The following TRAPPC6A variants were observed in gnomAD, a reference collection of about 807,000 sequenced individuals.
The protein encoded by TRAPPC6A is TRAPP complex subunit 6A.
Under a neutral mutation model 20.8 loss-of-function variants are expected in TRAPPC6A, and 25 were observed. That is an observed-to-expected ratio of 1.20 (90% confidence interval 0.88 to 1.68). The LOEUF is 1.68. TRAPPC6A is among the 40% of genes most tolerant of loss of function. The pLI, the probability that TRAPPC6A is intolerant of heterozygous loss-of-function variation, is 0.00. For synonymous variants in TRAPPC6A, 96 were observed against 93.3 expected (o/e 1.03, Z -0.16); for missense variants, 215 against 211.6 (o/e 1.02, Z -0.10).
Position 45,164,211 on chromosome 19 carries a change from G to A in TRAPPC6A, c.307C>T (p.Leu103Phe), listed in dbSNP as rs772711414. Residue 103 changes from leucine (L) to phenylalanine (F), a missense_variant, in exon 4 of 6, where the codon CTC becomes TTC. By Grantham distance (22) the Leu-to-Phe change is conservative (BLOSUM62 0). Coordinates refer to ENST00000585934, the MANE Select transcript of TRAPPC6A (RefSeq NM_001270891.2). ...TGCAGGCCAGAGGCCATCGGGAGGA[G>A]GAGGGGGAAGCTGTTGTCTTGCAGG... is the stretch of plus-strand genomic sequence containing the variant. ...YVLQDNSFPL[L>F]LPMASGLQYL... The A allele has an allele frequency of 1.2e-6, 2 of 1,610,254 alleles. No homozygotes were observed. The highest frequency in any genetic ancestry group is 1.7e-6 in the Non-Finnish European group (2 of 1,178,048).
rs763007514 is a variant in TRAPPC6A, at chr19:45,164,840, G to A, written c.270+13C>T. On this transcript the variant is annotated intron_variant, in intron 3 of 5. Transcript: ENST00000585934. ...CAGGAGGAAGCTGGACGGGCAGGCC[G>A]GGGTGCTCCCACCTGGTGATTGGTG... is the stretch of plus-strand genomic sequence containing the variant. 5.0e-6 allele frequency: 8 copies of A among 1,610,816 alleles called. No individual in the cohort carries two copies. The highest frequency in any genetic ancestry group is 2.2e-5 in the East Asian group (1 of 44,836).
Position 45,168,238 on chromosome 19 carries a change from C to T in TRAPPC6A, c.85-3044G>A, listed in dbSNP as rs184758241. Among the ~76,000 whole-genome samples, 90 of 150,982 alleles carry T rather than the reference C, an allele frequency of 6.0e-4. 1 individual carries two copies. Among genetic ancestry groups the T allele is most frequent in the Non-Finnish European group, 1.1e-3 (74 of 67,590 alleles). ...CAGGATGGTCTTGATCTCCTGACCTCGTGATTCACCCACCTCGGCCTCCCA... is the reference window on the plus strand; with the variant it reads ...CAGGATGGTCTTGATCTCCTGACCTTGTGATTCACCCACCTCGGCCTCCCA... On this transcript the variant is annotated intron_variant, in intron 1 of 5. Coordinates refer to ENST00000585934, the MANE Select transcript of TRAPPC6A (RefSeq NM_001270891.2).
intron 1 of TRAPPC6A, among the ~76,000 whole-genome samples, chr19:45,176,921 C>T (rs1224669705): frequency 6.6e-6 from 1 of 151,824 alleles, no homozygotes; most frequent in Non-Finnish European, 1.5e-5. Context: ...GTAATCCTAG[C>T]ACTTTGGGAG....
At position 45,162,992 on chromosome 19, in the gene TRAPPC6A, TCCCACC is replaced by T; in HGVS notation, c.*194_*199del. On this transcript the variant is annotated 3_prime_UTR_variant, in exon 6 of 6. Transcript: ENST00000585934. Reference sequence around the variant, plus strand: ...GGCAGTGACGCTGCCGAGGCGGGAATCCCACCACAGTCCTGACCGCAGCTGGGACCC... The same window carrying T: ...GGCAGTGACGCTGCCGAGGCGGGAATACAGTCCTGACCGCAGCTGGGACCC... 2.1e-6 allele frequency: 1 copy of T among 465,696 alleles called. No homozygotes were observed. Among genetic ancestry groups the T allele is most frequent in the South Asian group, 4.1e-5 (1 of 24,498 alleles). 28.8% of individuals were successfully genotyped at this position (465,696 alleles called of 1,614,324 possible).
At position 45,172,215 on chromosome 19, in the gene TRAPPC6A, A is replaced by G. The variant is rs1443745246; in HGVS notation, c.84+5920T>C. Among the ~76,000 whole-genome samples, 1 of 151,750 alleles carries G rather than the reference A, an allele frequency of 6.6e-6. No individual in the cohort carries two copies. Among genetic ancestry groups the G allele is most frequent in the Middle Eastern group, 3.2e-3 (1 of 316 alleles). On this transcript the variant is annotated intron_variant, in intron 1 of 5. Transcript: ENST00000585934. This position sits in a 1 kb window ranked among gnomAD's most constrained non-coding sequence, Gnocchi z 4.2. ...ACCTGTGCTGTGGGGACAGAGATGA[A>G]GGAGCCACCATCCCTGTCCTCAAGG...
At chr19:45,165,339 C>G (rs771392903) in intron 1 of TRAPPC6A, 145 bp from the exon 2 acceptor site, 2 of 787,422 alleles carry the variant, frequency 2.5e-6, no homozygotes, top group East Asian at 5.3e-5. Flanking sequence ...TCTGGCACAG[C>G]CCGGCCAGGG....
chr19:45,166,209 G>C (rs972380942), intron 1 of TRAPPC6A, among the ~76,000 whole-genome samples: 1 of 150,874 alleles, frequency 6.6e-6, no homozygotes, highest in Non-Finnish European at 1.5e-5. Flanking sequence ...ACCGCGCCTG[G>C]CGAGTTTTCT....
intron 1 of TRAPPC6A, among the ~76,000 whole-genome samples, chr19:45,165,462 G>A (rs1266451234): frequency 5.3e-5 from 8 of 152,208 alleles, no homozygotes; most frequent in Non-Finnish European, 1.2e-4. Context: ...CTTCCCTCAG[G>A]AACAATGGGG....
intron 1 of TRAPPC6A, among the ~76,000 whole-genome samples, chr19:45,167,325 T>C (rs748135346): frequency 6.6e-6 from 1 of 152,214 alleles, no homozygotes; most frequent in Non-Finnish European, 1.5e-5. Flanking sequence ...TTAATTAACA[T>C]AAACAAGAGT....
chr19:45,172,524 G>C lies in TRAPPC6A; in HGVS notation c.84+5611C>G, dbSNP rs1202773245. On this transcript the variant is annotated intron_variant, in intron 1 of 5. Coordinates refer to ENST00000585934, the MANE Select transcript of TRAPPC6A (RefSeq NM_001270891.2). The surrounding 1 kb of genome is among the most constrained non-coding windows in gnomAD (Gnocchi z 4.2). ...GTGTGGTGGGGAACCCAGGGAAGGA[G>C]CAGCCCTGGTTAAGAAAAGCACACA... Among the ~76,000 whole-genome samples, 1 of 151,640 alleles carries C rather than the reference G, an allele frequency of 6.6e-6. No individual in the cohort carries two copies. Among genetic ancestry groups the C allele is most frequent in the East Asian group, 1.9e-4 (1 of 5,196 alleles).
intron 1 of TRAPPC6A, among the ~76,000 whole-genome samples, chr19:45,169,694 C>T (rs1025531122): frequency 6.6e-6 from 1 of 152,222 alleles, no homozygotes; most frequent in African/African-American, 2.4e-5. Context: ...GTAGCCAGCA[C>T]CTAGAACAGC....
chr19:45,175,508 G>A (rs895421892), intron 1 of TRAPPC6A, among the ~76,000 whole-genome samples: 15 of 152,092 alleles, frequency 9.9e-5, no homozygotes, highest in African/African-American at 3.4e-4. Context: ...GAGACCAGGA[G>A]AATGTATAAA....
At chr19:45,166,919 C>T (rs746038991) in intron 1 of TRAPPC6A, among the ~76,000 whole-genome samples, 11 of 152,156 alleles carry the variant, frequency 7.2e-5, no homozygotes, top group Non-Finnish European at 1.3e-4. Context: ...AGAGCGTGTC[C>T]GAGGAAGGCT....
intron 1 of TRAPPC6A, among the ~76,000 whole-genome samples, chr19:45,177,749 G>T (rs967815715): frequency 6.6e-6 from 1 of 152,158 alleles, no homozygotes; most frequent in Non-Finnish European, 1.5e-5. Flanking sequence ...AATGTCCCAC[G>T]CTGAGGCTTA....
chr19:45,175,796 C>T (rs1382031010), intron 1 of TRAPPC6A, among the ~76,000 whole-genome samples: 1 of 152,086 alleles, frequency 6.6e-6, no homozygotes. Flanking sequence ...CAGGGTTTCT[C>T]GTTTGAAAGC....
chr19:45,177,191 G>GCGCACACACA (rs61484972), intron 1 of TRAPPC6A, among the ~76,000 whole-genome samples: 193 of 147,996 alleles, frequency 1.3e-3, no homozygotes, highest in African/African-American at 4.5e-3. Context: ...GCGCGTGCGC[G>GCGCACACACA]CACACACACA....
chr19:45,167,055 G>A (rs1406729199), intron 1 of TRAPPC6A, among the ~76,000 whole-genome samples: 4 of 151,940 alleles, frequency 2.6e-5, no homozygotes, highest in South Asian at 4.2e-4. Context: ...CCCAGCTTGC[G>A]TCCCCAGCCC....
intron 1 of TRAPPC6A, among the ~76,000 whole-genome samples, chr19:45,175,093 C>T (rs1969339295): frequency 6.6e-6 from 1 of 151,356 alleles, no homozygotes. Context: ...AACTCTGTCT[C>T]TACTAAAAAT....
chr19:45,170,768 T>G (rs1969252349), intron 1 of TRAPPC6A, among the ~76,000 whole-genome samples: 2 of 152,152 alleles, frequency 1.3e-5, no homozygotes, highest in African/African-American at 4.8e-5. Context: ...TACACGGCTG[T>G]GTGACTGCTG....
Sources: gnomAD v4.1 joint callset for allele counts (sites outside exome capture counted in the v4.1 genomes callset) on GRCh38, gnomAD v4.1.1 for gene constraint, Gnocchi (gnomAD v3.1) non-coding constraint, MANE v1.5 for transcripts, NCBI Gene and HGNC (gene_info 2026-07-23, HGNC 2026-07-21) for gene names.